The following CSNK1G2 variants were observed in gnomAD, a reference collection of about 807,000 sequenced individuals.
CSNK1G2 encodes casein kinase I isoform gamma-2.
In CSNK1G2, 11 loss-of-function variants were observed where a neutral mutation model predicts 48.0. The observed-to-expected ratio is 0.23, with a 90% confidence interval of 0.14 to 0.38. The LOEUF (loss-of-function observed/expected upper bound fraction) is 0.38. Ranked by LOEUF, CSNK1G2 falls within the 10% of genes least tolerant of loss-of-function variation. CSNK1G2 has a pLI of 1.00. For synonymous variants in CSNK1G2, 337 were observed against 254.1 expected (o/e 1.33, Z -3.10); for missense variants, 446 against 595.5 (o/e 0.75, Z 2.61).
rs1198486371 is a variant in CSNK1G2, at chr19:1,979,533, G to A, written c.892G>A (p.Asp298Asn). 4 of 1,608,200 alleles carry A rather than the reference G, an allele frequency of 2.5e-6. No homozygotes were observed. The highest frequency in any genetic ancestry group is 3.4e-6 in the Non-Finnish European group (4 of 1,179,680). The change falls in exon 9 of 12, where the codon GAC (aspartate) becomes AAC (asparagine). Residue 298 changes from aspartate to asparagine, a missense_variant. Physicochemically the swap from Asp to Asn is conservative, Grantham distance 23 (BLOSUM62 1). This residue lies in a region of CSNK1G2 where 188 missense variants were observed against 179.6 expected (regional missense o/e 1.05). Coordinates refer to ENST00000255641, the MANE Select transcript of CSNK1G2 (RefSeq NM_001319.7). Reference sequence around the variant, plus strand: ...GTACCTGCGCTATGTGCGGCGCCTGGACTTCTTCGAGAAGCCCGACTATGA... The same window carrying A: ...GTACCTGCGCTATGTGCGGCGCCTGAACTTCTTCGAGAAGCCCGACTATGA... ...ATYLRYVRRL[D>N]FFEKPDYDYL...
rs896431324 is a variant in CSNK1G2, at chr19:1,979,365, G to T, written c.815G>T (p.Arg272Leu). 18 of 1,604,934 alleles carry T rather than the reference G, an allele frequency of 1.1e-5. No individual in the cohort carries two copies. Among genetic ancestry groups the T allele is most frequent in the Non-Finnish European group, 1.5e-5 (18 of 1,176,970 alleles). ...TACCAGAAGATCGGGGACACCAAAC[G>T]CGCCACGCCCATCGAGGTGCTCTGC... ...ERYQKIGDTK[R>L]ATPIEVLCEN... Residue 272 changes from arginine to leucine, a missense_variant, in exon 8 of 12, where the codon CGC becomes CTC. Physicochemically the swap from Arg to Leu is moderately radical, Grantham distance 102. Around this residue, in one of 2 missense-constraint regions of CSNK1G2, gnomAD observed 258 missense variants for 415.9 expected, o/e 0.62. Coordinates refer to ENST00000255641, the MANE Select transcript of CSNK1G2 (RefSeq NM_001319.7).
chr19:1,968,489 G>A (rs563519131), intron 1 of CSNK1G2, among the ~76,000 whole-genome samples: 23 of 152,302 alleles, frequency 1.5e-4, no homozygotes, highest in African/African-American at 2.9e-4. Flanking sequence ...TCCAGAGAGC[G>A]ACCTGCACAG....
Position 1,980,032 on chromosome 19 carries a change from CGGTGCCTTCGGGGAGGTGGG to C in CSNK1G2, c.1193+22_1193+41del. The C allele has an allele frequency of 6.3e-7, 1 of 1,579,118 alleles. No individual in the cohort carries two copies. Among genetic ancestry groups the C allele is most frequent in the Non-Finnish European group, 8.6e-7 (1 of 1,162,838 alleles). ...GATGAAACCAAGTAAGGCTCTGGGG[CGGTGCCTTCGGGGAGGTGGG>C]GGTGCCCTGGGTCCCCATGGGGGTG... On this transcript the variant is annotated intron_variant, in intron 11 of 11. Coordinates refer to ENST00000255641, the MANE Select transcript of CSNK1G2 (RefSeq NM_001319.7).
intron 1 of CSNK1G2, among the ~76,000 whole-genome samples, chr19:1,965,475 A>G (rs2015338630): frequency 6.6e-6 from 1 of 152,128 alleles, no homozygotes; most frequent in Non-Finnish European, 1.5e-5. Context: ...TGACTCGGAA[A>G]TCAAGATGAC....
intron 1 of CSNK1G2, among the ~76,000 whole-genome samples, chr19:1,943,449 T>G (rs770361778): frequency 6.6e-6 from 1 of 152,214 alleles, no homozygotes; most frequent in Non-Finnish European, 1.5e-5. Context: ...TCTTCTTTTC[T>G]TCTCCTCCTT....
rs1407893505 is a variant in CSNK1G2, at chr19:1,980,398, CTT to C, written c.*197_*198del. 1.5e-6 allele frequency: 1 copy of C among 668,462 alleles called. No homozygotes were observed. The highest frequency in any genetic ancestry group is 2.6e-6 in the Non-Finnish European group (1 of 379,000). 41.4% of individuals were successfully genotyped at this position (668,462 alleles called of 1,614,324 possible). On this transcript the variant is annotated 3_prime_UTR_variant, in exon 12 of 12. Transcript: ENST00000255641. ...GTGGGGTCACTTCCTTCATGTAAGA[CTT>C]TGGCCGAAATTTCTACACCTGTGTC...
chr19:1,976,355 A>G (rs1409288989), intron 2 of CSNK1G2, among the ~76,000 whole-genome samples: 1 of 152,084 alleles, frequency 6.6e-6, no homozygotes, highest in African/African-American at 2.4e-5. Context: ...GCAGGGAGGC[A>G]CCTGGTCTTC....
chr19:1,955,536 C>T (rs11673038), intron 1 of CSNK1G2, among the ~76,000 whole-genome samples: 91,015 of 149,246 alleles, frequency 0.61, 29,664 homozygotes, highest in Non-Finnish European at 0.74. Flanking sequence ...GCGGGGTGGG[C>T]GTGTGCCTGG....
intron 1 of CSNK1G2, among the ~76,000 whole-genome samples, chr19:1,962,482 C>A (rs1049206562): frequency 6.7e-6 from 1 of 149,404 alleles, no homozygotes; most frequent in African/African-American, 2.5e-5. Flanking sequence ...GCCTAGGCAA[C>A]ATAGCAAGAT....
chr19:1,960,928 T>G (rs10417677), intron 1 of CSNK1G2, among the ~76,000 whole-genome samples: 4 of 152,098 alleles, frequency 2.6e-5, no homozygotes, highest in African/African-American at 7.2e-5. Flanking sequence ...TTCAGCCCCC[T>G]CTTCCTGTGG....
At chr19:1,977,082 G>A (rs556192225) in intron 2 of CSNK1G2, among the ~76,000 whole-genome samples, 1 of 152,346 alleles carries the variant, frequency 6.6e-6, no homozygotes, top group African/African-American at 2.4e-5. Flanking sequence ...GGCAAAGGCA[G>A]CTGACTGCAG....
chr19:1,961,809 T>G (rs1489904267), intron 1 of CSNK1G2, among the ~76,000 whole-genome samples: 1 of 152,206 alleles, frequency 6.6e-6, no homozygotes, highest in Non-Finnish European at 1.5e-5. Context: ...TCTGGATGTT[T>G]GGGCAGTAAG....
At chr19:1,954,026 C>A in intron 1 of CSNK1G2, 1 of 529,552 alleles carries the variant, frequency 1.9e-6, no homozygotes, top group Non-Finnish European at 3.9e-6. Flanking sequence ...CGAGGACCGG[C>A]CCTGCCCATC....
intron 1 of CSNK1G2, among the ~76,000 whole-genome samples, chr19:1,955,804 G>A (rs1332183508): frequency 6.6e-6 from 1 of 152,182 alleles, no homozygotes; most frequent in African/African-American, 2.4e-5. Context: ...GTGCATCTGT[G>A]TGGCTCAGCT....
chr19:1,944,741 T>G (rs1599276289), intron 1 of CSNK1G2, among the ~76,000 whole-genome samples: 1 of 150,526 alleles, frequency 6.6e-6, no homozygotes, highest in African/African-American at 2.5e-5. Flanking sequence ...GGGCTCAAAG[T>G]GAGGGTCTGG....
In CSNK1G2 at chr19:1,978,524, C is replaced by CCG; in HGVS notation, c.298+16_298+17dup. On this transcript the variant is annotated intron_variant, in intron 4 of 11. Transcript: ENST00000255641. This position sits in a 1 kb window ranked among gnomAD's most constrained non-coding sequence, Gnocchi z 7.3. ...CTCAGCGCCACAGGTACCGGGCGGCCCGCGGGTGGGGCGGGGGCTGCGCAG... is the reference window on the plus strand; with the variant it reads ...CTCAGCGCCACAGGTACCGGGCGGCCCGCGCGGGTGGGGCGGGGGCTGCGCAG... 1 of 1,574,304 alleles carries CCG rather than the reference C, an allele frequency of 6.4e-7. No individual in the cohort carries two copies. Among genetic ancestry groups the CCG allele is most frequent in the Non-Finnish European group, 8.6e-7 (1 of 1,161,154 alleles).
chr19:1,955,295 C>A (rs1420095020), intron 1 of CSNK1G2, among the ~76,000 whole-genome samples: 1 of 135,630 alleles, frequency 7.4e-6, no homozygotes, highest in Non-Finnish European at 1.5e-5. Flanking sequence ...CTCTGACTGC[C>A]CTCCTGCTGC....
intron 1 of CSNK1G2, among the ~76,000 whole-genome samples, chr19:1,951,649 G>A (rs1408450785): frequency 1.4e-5 from 2 of 141,218 alleles, no homozygotes; most frequent in South Asian, 2.3e-4. Flanking sequence ...GGGAGGAAGC[G>A]GTGAGAGTCC....
intron 1 of CSNK1G2, among the ~76,000 whole-genome samples, chr19:1,950,295 A>G (rs1304483834): frequency 3.3e-5 from 5 of 150,478 alleles, no homozygotes; most frequent in East Asian, 2.0e-4. Context: ...ACCCGCCACC[A>G]CACCCAGCTA....
Sources: allele counts gnomAD v4.1 joint callset (sites outside exome capture counted in the v4.1 genomes callset), GRCh38; gene constraint gnomAD v4.1.1; regional missense constraint gnomAD v4.1.1; non-coding constraint Gnocchi (gnomAD v3.1); transcripts MANE v1.5; gene names NCBI Gene and HGNC (gene_info 2026-07-23, HGNC 2026-07-21).